The following NOL4 variants were observed in gnomAD, a reference collection of about 807,000 sequenced individuals.
The protein encoded by NOL4 is nucleolar protein 4, also known as cancer/testis antigen 125.
A neutral mutation model predicts 75.9 loss-of-function variants in NOL4; 17 were observed. The ratio of observed to expected loss-of-function variants is 0.22; its 90% CI spans 0.15 to 0.34. The LOEUF (loss-of-function observed/expected upper bound fraction) is 0.34. NOL4 is among the 10% of genes least tolerant of loss of function. NOL4 has a pLI of 1.00. For missense variants in NOL4, 614 were observed against 793.5 expected (o/e 0.77, Z 2.72); for synonymous variants, 292 against 289.9 (o/e 1.01, Z -0.07).
chr18:34,065,415 G>A (rs7239368), intron 5 of NOL4, among the ~76,000 whole-genome samples: 58,116 of 151,654 alleles, frequency 0.38, 11,635 homozygotes, highest in South Asian at 0.53. Context: ...CCTGCCTATT[G>A]AAGTTAAAAT....
intron 1 of NOL4, among the ~76,000 whole-genome samples, chr18:34,195,980 G>A (rs1207128324): frequency 6.6e-6 from 1 of 151,950 alleles, no homozygotes; most frequent in Non-Finnish European, 1.5e-5. Context: ...TTAGATAACT[G>A]TAGAAGGTCA....
At chr18:34,025,174 T>G (rs1479740715) in intron 5 of NOL4, among the ~76,000 whole-genome samples, 1 of 152,040 alleles carries the variant, frequency 6.6e-6, no homozygotes, top group African/African-American at 2.4e-5. Context: ...TCAAAACTAA[T>G]AAACAAAAAT....
intron 2 of NOL4, among the ~76,000 whole-genome samples, chr18:34,118,168 T>C (rs780919594): frequency 1.3e-5 from 2 of 152,206 alleles, no homozygotes; most frequent in African/African-American, 2.4e-5. Flanking sequence ...ATTTAGAGAA[T>C]AGCAATAATG....
chr18:34,051,440 A>T (rs2076621683), intron 5 of NOL4, among the ~76,000 whole-genome samples: 1 of 152,118 alleles, frequency 6.6e-6, no homozygotes, highest in South Asian at 2.1e-4. Context: ...TATACTTTTT[A>T]TAGTTTAAGA....
intron 2 of NOL4, among the ~76,000 whole-genome samples, chr18:34,126,650 T>G (rs2080403997): frequency 1.3e-5 from 2 of 151,992 alleles, no homozygotes; most frequent in South Asian, 4.1e-4. Context: ...ATAATACAAT[T>G]GATAAAAGAA....
In NOL4 at chr18:34,172,389, G is replaced by A. The variant is rs149335367; in HGVS notation, c.265-42369C>T. On this transcript the variant is annotated intron_variant, in intron 1 of 10. Coordinates refer to ENST00000261592, the MANE Select transcript of NOL4 (RefSeq NM_003787.5). ...TATTCCATTGTGCATATGCATGTGTGTATATACATATACTATTTTCTTTAT... is the reference window on the plus strand; with the variant it reads ...TATTCCATTGTGCATATGCATGTGTATATATACATATACTATTTTCTTTAT... Among the ~76,000 whole-genome samples, 14 of 152,116 alleles carry A rather than the reference G, an allele frequency of 9.2e-5. No homozygotes were observed. The East Asian group carries it at 2.3e-3, about 25-fold the overall frequency.
At chr18:34,120,010 A>G (rs1255222670) in intron 2 of NOL4, among the ~76,000 whole-genome samples, 5 of 152,244 alleles carry the variant, frequency 3.3e-5, no homozygotes, top group African/African-American at 1.2e-4. Context: ...TATTGGAGCC[A>G]AACGTATTAC....
chr18:34,021,318 G>A (rs567769430), intron 5 of NOL4, among the ~76,000 whole-genome samples: 27 of 152,282 alleles, frequency 1.8e-4, no homozygotes, highest in African/African-American at 6.5e-4. Context: ...AGGTGAGTGA[G>A]CCTTAACCAG....
At chr18:34,213,042 C>T (rs1318152764) in intron 1 of NOL4, among the ~76,000 whole-genome samples, 1 of 152,094 alleles carries the variant, frequency 6.6e-6, no homozygotes, top group Non-Finnish European at 1.5e-5. Flanking sequence ...GCTGCCCACA[C>T]TCAAAGGAGA....
chr18:34,096,468 C>CT (rs1239652456), intron 4 of NOL4, among the ~76,000 whole-genome samples: 2 of 151,830 alleles, frequency 1.3e-5, no homozygotes, highest in African/African-American at 4.8e-5. Context: ...TAAGCTTGTG[C>CT]TTTTTTACCA....
intron 9 of NOL4, among the ~76,000 whole-genome samples, chr18:33,902,268 G>T (rs1440123784): frequency 1.3e-5 from 2 of 151,930 alleles, no homozygotes; most frequent in Admixed American, 6.6e-5. Flanking sequence ...CTAGAATTTT[G>T]ATTTTTAATT....
At position 33,958,272 on chromosome 18, in the gene NOL4, G is replaced by A. The variant is rs141277558; in HGVS notation, c.1203C>T (p.Asp401=). 6.6e-5 allele frequency: 107 copies of A among 1,613,640 alleles called. No individual in the cohort carries two copies. The highest frequency in any genetic ancestry group is 7.9e-5 in the Non-Finnish European group (93 of 1,179,674). Residue 401 remains aspartate (D), a synonymous_variant, in exon 7 of 11, where the codon GAC becomes GAT. Coordinates refer to ENST00000261592, the MANE Select transcript of NOL4 (RefSeq NM_003787.5). ...HDDSEKVNET[D]GVEAERLKAF... ...CTTTCAGCCGCTCGGCTTCAACGCCGTCTGTCTCATTAACTTTCTCCGAAT... is the reference window on the plus strand; with the variant it reads ...CTTTCAGCCGCTCGGCTTCAACGCCATCTGTCTCATTAACTTTCTCCGAAT...
intron 6 of NOL4, among the ~76,000 whole-genome samples, chr18:33,985,406 T>A (rs565405048): frequency 1.1e-4 from 17 of 152,272 alleles, no homozygotes; most frequent in African/African-American, 2.9e-4. Context: ...GTATTTTGAT[T>A]ACATAAAATG....
chr18:34,200,036 ATTG>A (rs1445574283), intron 1 of NOL4, among the ~76,000 whole-genome samples: 3 of 151,802 alleles, frequency 2.0e-5, no homozygotes, highest in Non-Finnish European at 4.4e-5. Flanking sequence ...CATTTTAGTA[ATTG>A]TTGTGTTGTT....
intron 5 of NOL4, among the ~76,000 whole-genome samples, chr18:34,080,774 T>G (rs1020569618): frequency 6.6e-6 from 1 of 152,272 alleles, no homozygotes; most frequent in South Asian, 2.1e-4. Context: ...TAAAGCATCA[T>G]TGTTAATGGC....
At chr18:33,916,047 C>T (rs1189484347) in intron 9 of NOL4, among the ~76,000 whole-genome samples, 1 of 152,086 alleles carries the variant, frequency 6.6e-6, no homozygotes, top group Non-Finnish European at 1.5e-5. Flanking sequence ...ACTCCCAAAG[C>T]TATGGTCTAA....
intron 1 of NOL4, among the ~76,000 whole-genome samples, chr18:34,135,891 G>C (rs1180237418): frequency 2.0e-5 from 3 of 151,560 alleles, no homozygotes; most frequent in Admixed American, 2.0e-4. Flanking sequence ...GGATAAAAAA[G>C]ATATACAAAA....
chr18:33,880,526 T>C (rs1599723184), intron 10 of NOL4, among the ~76,000 whole-genome samples: 1 of 152,020 alleles, frequency 6.6e-6, no homozygotes, highest in East Asian at 1.9e-4. Flanking sequence ...TCCTAAAAAT[T>C]TACCAACCAA....
intron 10 of NOL4, among the ~76,000 whole-genome samples, chr18:33,862,938 G>T (rs201077660): frequency 1.1e-4 from 16 of 151,868 alleles, no homozygotes; most frequent in Admixed American, 5.9e-4. Flanking sequence ...CCCAAAGGAC[G>T]ATAAATCATG....
Sources: gnomAD v4.1 joint callset for allele counts (sites outside exome capture counted in the v4.1 genomes callset) on GRCh38, gnomAD v4.1.1 for gene constraint, MANE v1.5 for transcripts, NCBI Gene and HGNC (gene_info 2026-07-23, HGNC 2026-07-21) for gene names.